The following SVEP1 variants were observed in gnomAD, a reference collection of about 807,000 sequenced individuals.
SVEP1 encodes sushi, von Willebrand factor type A, EGF and pentraxin domain-containing protein 1.
SVEP1 carries 164 observed loss-of-function variants against 367.3 expected under a neutral mutation model. The observed-to-expected ratio is 0.45, with a 90% confidence interval of 0.39 to 0.51. The LOEUF is 0.51. SVEP1 is among the 20% of genes least tolerant of loss of function. The pLI is 0.00. For missense variants in SVEP1, 4,117 were observed against 4,425.3 expected (o/e 0.93, Z 1.98); for synonymous variants, 1,666 against 1,611.6 (o/e 1.03, Z -0.81).
Position 110,471,546 on chromosome 9 carries a change from T to C in SVEP1, c.2816A>G (p.Gln939Arg). Residue 939 changes from glutamine to arginine, a missense_variant, in exon 16 of 48, where the codon CAG becomes CGG. Gln to Arg is a conservative substitution (Grantham distance 43). Transcript: ENST00000374469. Reference protein sequence around the residue: ...ERNDTLEWENQQRLLQTLETI... With the variant: ...ERNDTLEWENRQRLLQTLETI... The stretch of plus-strand genomic sequence containing the variant: ...TTCCAATGTCTGAAGGAGTCGTTGC[T>C]GATTTTCCCATTCAAGGGTATCATT... 1.2e-6 allele frequency: 2 copies of C among 1,614,000 alleles called. No homozygotes were observed. Among genetic ancestry groups the C allele is most frequent in the Non-Finnish European group, 1.7e-6 (2 of 1,179,888 alleles).
intron 13 of SVEP1, among the ~76,000 whole-genome samples, chr9:110,477,279 A>C (rs1829110079): frequency 6.6e-6 from 1 of 152,020 alleles, no homozygotes; most frequent in South Asian, 2.1e-4. Context: ...TCATGTCTTC[A>C]TGTCCTTGTT....
intron 11 of SVEP1, 129 bp from the exon 12 acceptor site, chr9:110,481,565 T>C: frequency 1.6e-6 from 1 of 607,318 alleles, no homozygotes; most frequent in Non-Finnish European, 2.5e-6. Flanking sequence ...GCTTTTACCA[T>C]ATGTCTTTAG....
intron 1 of SVEP1, among the ~76,000 whole-genome samples, chr9:110,557,247 G>A (rs1301010414): frequency 6.6e-6 from 1 of 152,050 alleles, no homozygotes; most frequent in African/African-American, 2.4e-5. Flanking sequence ...CCACTGTTTT[G>A]GGTATATGCA....
chr9:110,444,281 T>G (rs903742276), intron 26 of SVEP1, among the ~76,000 whole-genome samples: 2 of 152,180 alleles, frequency 1.3e-5, no homozygotes, highest in Non-Finnish European at 2.9e-5. Flanking sequence ...GATTAGGTCA[T>G]GAAGGCTCTG....
intron 8 of SVEP1, among the ~76,000 whole-genome samples, chr9:110,493,167 G>C (rs963358827): frequency 6.6e-6 from 1 of 152,034 alleles, no homozygotes; most frequent in African/African-American, 2.4e-5. Flanking sequence ...GGGCAGCAGA[G>C]GTCCTGCCAG....
intron 3 of SVEP1, among the ~76,000 whole-genome samples, chr9:110,522,472 T>A (rs1395348240): frequency 6.6e-6 from 1 of 151,794 alleles, no homozygotes; most frequent in Non-Finnish European, 1.5e-5. Context: ...GCAAAGGGGG[T>A]CAGATCAGCA....
In SVEP1 at chr9:110,446,977, T is replaced by G. The variant is rs534930669; in HGVS notation, c.4184A>C (p.Gln1395Pro). 6.5e-7 allele frequency: 1 copy of G among 1,547,388 alleles called. No individual in the cohort carries two copies. Among genetic ancestry groups the G allele is most frequent in the South Asian group, 1.2e-5 (1 of 82,734 alleles). The part of the protein sequence containing the change: ...NECQSNPCRN[Q>P]ATCVDELNSY... ...ATTTAATTCATCCACACAGGTGGCC[T>G]GATTTCTACATGGATTAGACTGACA... is the stretch of plus-strand genomic sequence containing the variant. The change falls in exon 25 of 48, where the codon CAG (glutamine) becomes CCG (proline). Residue 1395 changes from glutamine (Q) to proline (P), a missense_variant. Around this residue, in one of 4 missense-constraint regions of SVEP1, gnomAD observed 2,174 missense variants for 2,494.3 expected, o/e 0.87. Transcript: ENST00000374469.
At chr9:110,516,101 A>G (rs888827451) in intron 3 of SVEP1, among the ~76,000 whole-genome samples, 3 of 150,936 alleles carry the variant, frequency 2.0e-5, no homozygotes, top group Non-Finnish European at 4.4e-5. Context: ...ATTATAATAT[A>G]CTAAATCATT....
intron 3 of SVEP1, among the ~76,000 whole-genome samples, chr9:110,540,870 G>A (rs1055232189): frequency 2.0e-5 from 3 of 152,154 alleles, no homozygotes; most frequent in Admixed American, 1.3e-4. Flanking sequence ...CTGTGACAGT[G>A]GCGTTCATTT....
intron 2 of SVEP1, among the ~76,000 whole-genome samples, chr9:110,548,828 T>G (rs982219882): frequency 2.6e-5 from 4 of 152,166 alleles, no homozygotes; most frequent in Admixed American, 6.6e-5. Context: ...CTCAGAGAGA[T>G]AAATCTTTTT....
intron 3 of SVEP1, among the ~76,000 whole-genome samples, chr9:110,544,765 G>A (rs1259370479): frequency 6.8e-6 from 1 of 147,962 alleles, no homozygotes; most frequent in Non-Finnish European, 1.5e-5. Context: ...ATTTATTCGT[G>A]TTGGGAACAT....
At chr9:110,517,055 G>A (rs559347035) in intron 3 of SVEP1, among the ~76,000 whole-genome samples, 29 of 152,226 alleles carry the variant, frequency 1.9e-4, no homozygotes, top group Non-Finnish European at 3.4e-4. Flanking sequence ...AAGATACATA[G>A]CTTTGTGAAA....
intron 38 of SVEP1, 103 bp from the exon 39 acceptor site, chr9:110,404,655 G>A: frequency 9.5e-7 from 1 of 1,056,082 alleles, no homozygotes; most frequent in Non-Finnish European, 1.4e-6. Flanking sequence ...TAGATATTTT[G>A]TGCAACATAT....
intron 3 of SVEP1, among the ~76,000 whole-genome samples, chr9:110,523,884 AAAG>A (rs934326923): frequency 6.6e-6 from 1 of 152,038 alleles, no homozygotes; most frequent in African/African-American, 2.4e-5. Flanking sequence ...AACAGAAAAA[AAAG>A]AAAATATAGA....
At chr9:110,530,868 A>G (rs1293596650) in intron 3 of SVEP1, among the ~76,000 whole-genome samples, 3 of 152,154 alleles carry the variant, frequency 2.0e-5, no homozygotes, top group African/African-American at 4.8e-5. Flanking sequence ...GTAAAATTGT[A>G]CAGCTTTTTA....
At chr9:110,508,252 A>G (rs1034977369) in intron 5 of SVEP1, among the ~76,000 whole-genome samples, 5 of 152,154 alleles carry the variant, frequency 3.3e-5, no homozygotes, top group African/African-American at 9.7e-5. Flanking sequence ...AGTAGACAAT[A>G]TAAGAAGCTA....
chr9:110,516,367 A>T (rs1051550156), intron 3 of SVEP1, among the ~76,000 whole-genome samples: 1 of 151,864 alleles, frequency 6.6e-6, no homozygotes, highest in Non-Finnish European at 1.5e-5. Context: ...TTTTCTCATG[A>T]TATATAGTAG....
chr9:110,578,987 C>T, intron 1 of SVEP1, 26 bp downstream of exon 1: 1 of 1,543,934 alleles, frequency 6.5e-7, no homozygotes, highest in Non-Finnish European at 8.7e-7. Flanking sequence ...GACTAGGGCC[C>T]GGGTCGGGAG....
At chr9:110,472,494 C>T (rs1330519498) in intron 14 of SVEP1, among the ~76,000 whole-genome samples, 171 bp from the exon 15 acceptor site, 1 of 152,116 alleles carries the variant, frequency 6.6e-6, no homozygotes, top group Non-Finnish European at 1.5e-5. Context: ...AATTTTTGAT[C>T]ACTTCATATT....
Sources: gnomAD v4.1 joint callset for allele counts (sites outside exome capture counted in the v4.1 genomes callset) on GRCh38, gnomAD v4.1.1 for gene constraint, gnomAD v4.1.1 regional missense constraint, MANE v1.5 for transcripts, NCBI Gene and HGNC (gene_info 2026-07-23, HGNC 2026-07-21) for gene names.